IPO11: variants seen among roughly 807,000 people sequenced by gnomAD.
IPO11 encodes importin-11.
Under a neutral mutation model 143.2 loss-of-function variants are expected in IPO11, and 66 were observed. That is an observed-to-expected ratio of 0.46 (90% CI 0.38 to 0.57). The LOEUF is 0.57. Among genes scored for constraint, IPO11 ranks in the 20% least tolerant of loss-of-function variants. The pLI is 0.00. For synonymous variants in IPO11, 385 were observed against 377.8 expected, an observed-to-expected ratio of 1.02 and a Z score of -0.22; for missense variants, 1,026 against 1,141.0, an observed-to-expected ratio of 0.90 and a Z score of 1.45.
At chr5:62,438,133 G>T (rs1401449142) in intron 2 of IPO11, among the ~76,000 whole-genome samples, 1 of 152,170 alleles carries the variant, frequency 6.6e-6, no homozygotes, top group East Asian at 1.9e-4. Flanking sequence ...TTGTGACCAG[G>T]TCATAGAATC....
intron 26 of IPO11, among the ~76,000 whole-genome samples, chr5:62,554,568 C>G (rs895397300): frequency 2.0e-5 from 3 of 152,084 alleles, no homozygotes; most frequent in Non-Finnish European, 4.4e-5. Context: ...CTATCTTTTT[C>G]TTAAATCAGT....
intron 4 of IPO11, among the ~76,000 whole-genome samples, 154 bp downstream of exon 4, chr5:62,450,153 T>C (rs1434205353): frequency 6.6e-6 from 1 of 152,230 alleles, no homozygotes; most frequent in African/African-American, 2.4e-5. Flanking sequence ...TGAGATCTAT[T>C]TGTAGCGTTG....
intron 29 of IPO11, among the ~76,000 whole-genome samples, chr5:62,612,312 G>A (rs1745952261): frequency 6.6e-6 from 1 of 152,056 alleles, no homozygotes. Context: ...AGAGAATGGG[G>A]GTCTATTGAT....
intron 28 of IPO11, among the ~76,000 whole-genome samples, chr5:62,595,927 G>T (rs912953565): frequency 6.6e-5 from 10 of 151,738 alleles, no homozygotes; most frequent in Admixed American, 5.9e-4. Context: ...AAATGAAATT[G>T]ACAATCCCTT....
At chr5:62,567,482 T>A in intron 27 of IPO11, among the ~76,000 whole-genome samples, 1 of 97,682 alleles carries the variant, frequency 1.0e-5, no homozygotes, top group African/African-American at 4.4e-5. Context: ...CTATTATTAT[T>A]ATTATTATTA....
Position 62,563,646 on chromosome 5 carries a change from ATG to A in IPO11, c.2582+2392_2582+2393del, listed in dbSNP as rs1342303467. Among the ~76,000 whole-genome samples, 3 of 152,166 alleles carry A rather than the reference ATG, an allele frequency of 2.0e-5. No individual in the cohort carries two copies. The East Asian group carries it at 5.8e-4, about 29-fold the overall frequency. On this transcript the variant is annotated intron_variant, in intron 27 of 29. Coordinates refer to ENST00000325324, the MANE Select transcript of IPO11 (RefSeq NM_016338.5). Reference sequence around the variant, plus strand: ...TTTTGGGGATGGGACTCAAGTCTAAATGTGAAATTTATTTATATTTCATATAC... The same window carrying A: ...TTTTGGGGATGGGACTCAAGTCTAAATGAAATTTATTTATATTTCATATAC...
chr5:62,538,674 C>T (rs1031480042), intron 24 of IPO11, among the ~76,000 whole-genome samples: 1 of 152,322 alleles, frequency 6.6e-6, no homozygotes, highest in Middle Eastern at 3.4e-3. Flanking sequence ...ATTACCCAGT[C>T]TCAGGCAGTT....
intron 27 of IPO11, among the ~76,000 whole-genome samples, chr5:62,589,711 G>C (rs1744941734): frequency 2.0e-5 from 3 of 152,228 alleles, no homozygotes; most frequent in Non-Finnish European, 2.9e-5. Flanking sequence ...GGGCCCCCTA[G>C]AGGAGAAGTC....
intron 9 of IPO11, among the ~76,000 whole-genome samples, chr5:62,479,961 A>G (rs1419124058): frequency 2.0e-5 from 3 of 152,120 alleles, no homozygotes; most frequent in Admixed American, 1.3e-4. Flanking sequence ...CCATTTGTCA[A>G]TTTTGGCTTT....
intron 5 of IPO11, among the ~76,000 whole-genome samples, chr5:62,452,720 TG>T (rs1339526865): frequency 9.6e-6 from 1 of 104,608 alleles, no homozygotes; most frequent in African/African-American, 4.6e-5. Flanking sequence ...CTGTTTTTGG[TG>T]GGGTGTGTGT....
chr5:62,616,747 CAGTG>C (rs1216339508), intron 29 of IPO11, among the ~76,000 whole-genome samples: 1 of 124,494 alleles, frequency 8.0e-6, no homozygotes, highest in African/African-American at 3.4e-5. Flanking sequence ...AAAAAAAAAT[CAGTG>C]AGAGAACAGG....
At chr5:62,554,353 G>A (rs1372523333) in intron 26 of IPO11, among the ~76,000 whole-genome samples, 1 of 152,068 alleles carries the variant, frequency 6.6e-6, no homozygotes, top group African/African-American at 2.4e-5. Flanking sequence ...TCTTTTCCCT[G>A]ACCAGAGTCC....
chr5:62,555,467 C>T (rs757642819), intron 26 of IPO11, among the ~76,000 whole-genome samples: 1 of 145,090 alleles, frequency 6.9e-6, no homozygotes, highest in African/African-American at 2.7e-5. Flanking sequence ...TGCGTGCCAC[C>T]ACACCTGGCT....
At chr5:62,539,358 TATC>T (rs1428779901) in intron 24 of IPO11, among the ~76,000 whole-genome samples, 3 of 152,218 alleles carry the variant, frequency 2.0e-5, no homozygotes, top group Non-Finnish European at 4.4e-5. Context: ...GTTCTCCTGG[TATC>T]TGTCTGTGTC....
intron 29 of IPO11, among the ~76,000 whole-genome samples, chr5:62,604,660 T>C (rs1745636174): frequency 6.6e-6 from 1 of 152,190 alleles, no homozygotes; most frequent in Non-Finnish European, 1.5e-5. Flanking sequence ...ACAACCATTA[T>C]TTTTTTAAGT....
chr5:62,443,178 G>A (rs924642722), intron 3 of IPO11, 95 bp downstream of exon 3: 48 of 692,570 alleles, frequency 6.9e-5, no homozygotes, highest in Non-Finnish European at 1.1e-4. Context: ...ATGTGTTAGC[G>A]CTTACTTCTG....
intron 27 of IPO11, among the ~76,000 whole-genome samples, chr5:62,582,391 T>G (rs891368425): frequency 1.4e-4 from 22 of 152,158 alleles, no homozygotes; most frequent in African/African-American, 5.3e-4. Context: ...GTTTTTGGCT[T>G]AGGCAGTTTT....
intron 24 of IPO11, among the ~76,000 whole-genome samples, chr5:62,542,573 T>A (rs1742997809): frequency 6.6e-6 from 1 of 152,210 alleles, no homozygotes; most frequent in Admixed American, 6.5e-5. Flanking sequence ...ATTGTTATAC[T>A]AATTTTTGAC....
chr5:62,468,339 C>G (rs531230930), intron 6 of IPO11, among the ~76,000 whole-genome samples: 1 of 152,218 alleles, frequency 6.6e-6, no homozygotes, highest in Non-Finnish European at 1.5e-5. Context: ...GGAATCCCAT[C>G]AGTCTTGGCA....
Sources: allele counts gnomAD v4.1 joint callset (sites outside exome capture counted in the v4.1 genomes callset), GRCh38; gene constraint gnomAD v4.1.1; transcripts MANE v1.5; gene names NCBI Gene and HGNC (gene_info 2026-07-23, HGNC 2026-07-21).